The following POLR3B variants were observed in gnomAD, a reference collection of about 807,000 sequenced individuals.
POLR3B encodes the protein RNA polymerase III subunit B.
Under a neutral mutation model 147.4 loss-of-function variants are expected in POLR3B, and 96 were observed. That is an observed-to-expected ratio of 0.65 (90% CI 0.55 to 0.77). The LOEUF (loss-of-function observed/expected upper bound fraction) is 0.77, where lower values mean the gene tolerates loss of function less well. Among genes scored for constraint, POLR3B ranks in the 30% least tolerant of loss-of-function variants. The pLI is 0.00. For missense variants in POLR3B, 1,036 were observed against 1,413.5 expected, an observed-to-expected ratio of 0.73 and a Z score of 4.28; for synonymous variants, 461 against 485.9, an observed-to-expected ratio of 0.95 and a Z score of 0.67.
intron 10 of POLR3B, among the ~76,000 whole-genome samples, chr12:106,401,688 A>C (rs571613888): frequency 1.3e-5 from 2 of 152,374 alleles, no homozygotes; most frequent in South Asian, 4.1e-4. Flanking sequence ...AATCCAGCAT[A>C]TAAACAGAAC....
At chr12:106,376,249 G>T (rs150798368) in intron 6 of POLR3B, 110 bp from the exon 7 acceptor site, 37 of 757,456 alleles carry the variant, frequency 4.9e-5, no homozygotes, top group Middle Eastern at 4.6e-4. Context: ...CTAACATGGT[G>T]CATAGATAGA....
intron 11 of POLR3B, among the ~76,000 whole-genome samples, chr12:106,406,643 C>A (rs1358093619): frequency 6.6e-6 from 1 of 152,154 alleles, no homozygotes. Flanking sequence ...CGTTGTCACC[C>A]AGCTGGTTAG....
Position 106,375,029 on chromosome 12 carries a change from T to G in POLR3B, c.405-1330T>G, listed in dbSNP as rs192283465. Reference sequence around the variant, plus strand: ...GAGGGCCTATTAGTACATTAGTAACTTCTCTCAGTTTTTGTCTGAAAATAT... The same window carrying G: ...GAGGGCCTATTAGTACATTAGTAACGTCTCTCAGTTTTTGTCTGAAAATAT... On this transcript the variant is annotated intron_variant, in intron 6 of 27. Transcript: ENST00000228347. Among the ~76,000 whole-genome samples, 160 of 152,344 alleles carry G rather than the reference T, an allele frequency of 1.1e-3. 4 individuals carry two copies. In the East Asian group the frequency reaches 0.017, roughly 17 times the overall value.
intron 12 of POLR3B, among the ~76,000 whole-genome samples, chr12:106,417,864 A>G (rs565095409): frequency 1.3e-5 from 2 of 152,318 alleles, no homozygotes; most frequent in East Asian, 3.9e-4. Context: ...GGAATAAGGA[A>G]TGGAGTAAGG....
At chr12:106,397,251 A>C (rs916758725) in intron 10 of POLR3B, among the ~76,000 whole-genome samples, 28 of 152,220 alleles carry the variant, frequency 1.8e-4, no homozygotes, top group Admixed American at 1.8e-3. Flanking sequence ...ATAAATGCTC[A>C]TGTATCCAAG....
intron 12 of POLR3B, among the ~76,000 whole-genome samples, chr12:106,426,560 C>T (rs2037438991): frequency 6.6e-6 from 1 of 151,978 alleles, no homozygotes; most frequent in Non-Finnish European, 1.5e-5. Context: ...CGTGATCAAC[C>T]CACCTTGGCC....
chr12:106,495,563 ACTT>A (rs2038466214), intron 23 of POLR3B, among the ~76,000 whole-genome samples: 1 of 152,204 alleles, frequency 6.6e-6, no homozygotes, highest in Non-Finnish European at 1.5e-5. Flanking sequence ...ACACACAGGT[ACTT>A]CTTGTCACTG....
chr12:106,486,358 C>T (rs1452839350), intron 23 of POLR3B, among the ~76,000 whole-genome samples: 1 of 150,916 alleles, frequency 6.6e-6, no homozygotes, highest in East Asian at 1.9e-4. Context: ...TAGCATGCCT[C>T]CTACAGCTTG....
At chr12:106,492,685 G>GCCAGAGCAC (rs2038422319) in intron 23 of POLR3B, among the ~76,000 whole-genome samples, 2 of 152,232 alleles carry the variant, frequency 1.3e-5, no homozygotes, top group Admixed American at 1.3e-4. Flanking sequence ...GGAGCCAGCA[G>GCCAGAGCAC]TGTCTGAAGC....
intron 25 of POLR3B, among the ~76,000 whole-genome samples, chr12:106,497,506 G>T (rs1434756026): frequency 6.6e-6 from 1 of 152,164 alleles, no homozygotes; most frequent in Non-Finnish European, 1.5e-5. Context: ...ACCAAAATAT[G>T]ATTTCTACCC....
intron 18 of POLR3B, 45 bp from the exon 19 acceptor site, chr12:106,444,418 T>C (rs1439110377): frequency 2.5e-6 from 4 of 1,606,080 alleles, no homozygotes; most frequent in Non-Finnish European, 3.4e-6. Context: ...ACATTTATTT[T>C]TGTACTTGAT....
At chr12:106,385,210 C>T (rs1306594766) in intron 9 of POLR3B, among the ~76,000 whole-genome samples, 1 of 152,146 alleles carries the variant, frequency 6.6e-6, no homozygotes, top group Admixed American at 6.6e-5. Context: ...TCACAGGAAC[C>T]TAGCCCTATA....
At chr12:106,382,932 G>C (rs187036542) in intron 9 of POLR3B, among the ~76,000 whole-genome samples, 1 of 152,166 alleles carries the variant, frequency 6.6e-6, no homozygotes, top group African/African-American at 2.4e-5. Flanking sequence ...TCAATAGAAG[G>C]CTGTTGCATC....
chr12:106,370,710 C>T (rs575572844), intron 6 of POLR3B, among the ~76,000 whole-genome samples: 2 of 149,868 alleles, frequency 1.3e-5, no homozygotes, highest in Admixed American at 6.7e-5. Context: ...TGGCTCACTG[C>T]AACCTCTGCC....
chr12:106,470,454 C>T (rs1375157726), intron 23 of POLR3B, among the ~76,000 whole-genome samples: 3 of 152,110 alleles, frequency 2.0e-5, no homozygotes, highest in Admixed American at 6.5e-5. Flanking sequence ...CTACTTCTGT[C>T]AACTCGTCAA....
At chr12:106,496,700 AGAGT>A (rs1555218256) in intron 24 of POLR3B, 48 bp from the exon 25 acceptor site, 3 of 1,488,798 alleles carry the variant, frequency 2.0e-6, no homozygotes, top group Non-Finnish European at 2.8e-6. Context: ...ATAAGCAGAG[AGAGT>A]GCTTGTGCCA....
At chr12:106,374,601 G>A (rs778297758) in intron 6 of POLR3B, among the ~76,000 whole-genome samples, 1 of 151,066 alleles carries the variant, frequency 6.6e-6, no homozygotes, top group Non-Finnish European at 1.5e-5. Flanking sequence ...TGCAACCTCC[G>A]CCTCCCAGGT....
At chr12:106,474,859 A>C (rs1008421356) in intron 23 of POLR3B, among the ~76,000 whole-genome samples, 5 of 151,684 alleles carry the variant, frequency 3.3e-5, no homozygotes, top group African/African-American at 1.2e-4. Flanking sequence ...TTGTGTCTCT[A>C]TTTCTTTCAG....
At chr12:106,362,756 C>T (rs1247143364) in intron 1 of POLR3B, among the ~76,000 whole-genome samples, 3 of 152,084 alleles carry the variant, frequency 2.0e-5, no homozygotes, top group African/African-American at 7.2e-5. Flanking sequence ...AGGACTTTAG[C>T]ATATGAATTT....
Sources: allele counts gnomAD v4.1 joint callset (sites outside exome capture counted in the v4.1 genomes callset), GRCh38; gene constraint gnomAD v4.1.1; transcripts MANE v1.5; gene names NCBI Gene and HGNC (gene_info 2026-07-23, HGNC 2026-07-21).